The following DIS3L2 variants were observed in gnomAD, a reference collection of about 807,000 sequenced individuals.
DIS3L2 encodes DIS3 like 3'-5' exoribonuclease 2.
A neutral mutation model predicts 97.5 loss-of-function variants in DIS3L2; 34 were observed. That is an observed-to-expected ratio of 0.35 (90% confidence interval 0.27 to 0.46). The LOEUF (loss-of-function observed/expected upper bound fraction) is 0.46, where lower values mean the gene tolerates loss of function less well. Ranked by LOEUF, DIS3L2 falls within the 20% of genes least tolerant of loss-of-function variation. The pLI, the probability that DIS3L2 is intolerant of heterozygous loss-of-function variation, is 1.00. For missense variants in DIS3L2, 1,038 were observed against 1,146.0 expected (o/e 0.91, Z 1.36); for synonymous variants, 435 against 445.2 (o/e 0.98, Z 0.29).
chr2:232,084,612 T>C (rs573167977), intron 5 of DIS3L2, among the ~76,000 whole-genome samples: 5 of 152,308 alleles, frequency 3.3e-5, no homozygotes, highest in East Asian at 1.9e-4. Flanking sequence ...TAGAACTTTT[T>C]TGTAGTATTA....
At chr2:232,111,214 C>T (rs1048654337) in intron 6 of DIS3L2, 16 of 471,012 alleles carry the variant, frequency 3.4e-5, no homozygotes, top group Non-Finnish European at 7.0e-5. Flanking sequence ...AATTGAGGCT[C>T]AGAGAAGTTC....
chr2:232,163,390 G>A (rs1690711107), intron 8 of DIS3L2, 69 bp from the exon 9 acceptor site: 3 of 1,515,446 alleles, frequency 2.0e-6, no homozygotes, highest in Non-Finnish European at 2.7e-6. Flanking sequence ...TTTACTTTTA[G>A]AGAGGAGACA....
At chr2:232,193,655 A>T (rs1317562428) in intron 9 of DIS3L2, among the ~76,000 whole-genome samples, 1 of 152,222 alleles carries the variant, frequency 6.6e-6, no homozygotes. Context: ...TAATATATTC[A>T]TAATCCAAAG....
intron 13 of DIS3L2, among the ~76,000 whole-genome samples, chr2:232,291,956 C>T (rs1466773884): frequency 1.3e-5 from 2 of 152,216 alleles, no homozygotes; most frequent in African/African-American, 4.8e-5. Flanking sequence ...GGCGTCTTCC[C>T]TAACTGATGG....
chr2:231,988,707 A>G, intron 1 of DIS3L2, among the ~76,000 whole-genome samples: 1 of 152,162 alleles, frequency 6.6e-6, no homozygotes, highest in South Asian at 2.1e-4. Flanking sequence ...GTTGGTAGTA[A>G]CTTCCAGATG....
intron 6 of DIS3L2, among the ~76,000 whole-genome samples, chr2:232,102,600 A>G (rs543906933): frequency 5.9e-5 from 9 of 152,372 alleles, no homozygotes; most frequent in Non-Finnish European, 8.8e-5. Context: ...ACACACGTGC[A>G]TATACAAATC....
chr2:232,338,140 G>A (rs1246023535), downstream of DIS3L2, among the ~76,000 whole-genome samples: 6 of 150,182 alleles, frequency 4.0e-5, no homozygotes, highest in African/African-American at 1.5e-4. Context: ...CCAAACAGGA[G>A]AGCCCCAAAC....
At chr2:232,069,418 T>C (rs1247577207) in intron 5 of DIS3L2, among the ~76,000 whole-genome samples, 2 of 152,196 alleles carry the variant, frequency 1.3e-5, no homozygotes, top group Admixed American at 1.3e-4. Context: ...AGTGTAGTGT[T>C]CTATGAATAA....
chr2:232,134,115 TGAG>T (rs1698293514), intron 7 of DIS3L2, among the ~76,000 whole-genome samples: 2 of 151,730 alleles, frequency 1.3e-5, no homozygotes, highest in Admixed American at 1.3e-4. Flanking sequence ...TCAGTGAACT[TGAG>T]GAGATCAGTA....
In DIS3L2 at chr2:232,336,472, A is replaced by G. The variant is rs1445610742; in HGVS notation, c.2500A>G (p.Ile834Val). The G allele has an allele frequency of 5.6e-6, 9 of 1,610,354 alleles. No individual in the cohort carries two copies. Among genetic ancestry groups the G allele is most frequent in the African/African-American group, 2.7e-5 (2 of 74,860 alleles). Residue 834 changes from isoleucine to valine, a missense_variant, in exon 21 of 21, where the codon ATC becomes GTC. Ile to Val is a conservative substitution (Grantham distance 29). This residue lies in a region of DIS3L2 where 221 missense variants were observed against 246.9 expected (regional missense o/e 0.90). Coordinates refer to ENST00000325385, the MANE Select transcript of DIS3L2 (RefSeq NM_152383.5). ...DMEQEPAQQV[I>V]TIFSLVEVVL... Reference sequence around the variant, plus strand: ...CTCACGGCTGGGCTCTGCACAGGTCATCACCATCTTCAGCCTGGTGGAGGT... The same window carrying G: ...CTCACGGCTGGGCTCTGCACAGGTCGTCACCATCTTCAGCCTGGTGGAGGT...
intron 1 of DIS3L2, among the ~76,000 whole-genome samples, chr2:231,967,802 A>G (rs1172554373): frequency 6.6e-6 from 1 of 152,188 alleles, no homozygotes; most frequent in African/African-American, 2.4e-5. Context: ...AATATGTCTT[A>G]TTAACAAAAA....
intron 6 of DIS3L2, among the ~76,000 whole-genome samples, chr2:232,127,652 G>A (rs1207498547): frequency 6.6e-6 from 1 of 152,076 alleles, no homozygotes; most frequent in African/African-American, 2.4e-5. Context: ...GTTCTGCAAG[G>A]CCCACACCTG....
At position 231,976,621 on chromosome 2, in the gene DIS3L2, CCT is replaced by C. The variant is rs1476919442; in HGVS notation, c.-94+14862_-94+14863del. On this transcript the variant is annotated intron_variant, in intron 1 of 20. Coordinates refer to ENST00000325385, the MANE Select transcript of DIS3L2 (RefSeq NM_152383.5). ...TCCAGCCTGGGTAACAAAGCGAGACCCTCTCTCAAAAAAAAAAAAAAATTACA... is the reference window on the plus strand; with the variant it reads ...TCCAGCCTGGGTAACAAAGCGAGACCCTCTCAAAAAAAAAAAAAAATTACA... 2.7e-5 allele frequency among the ~76,000 whole-genome samples: 4 copies of C among 149,746 alleles called. No homozygotes were observed. In the East Asian group the frequency reaches 7.8e-4, roughly 29 times the overall value.
intron 9 of DIS3L2, among the ~76,000 whole-genome samples, chr2:232,195,886 A>T (rs1183217363): frequency 6.9e-6 from 1 of 145,950 alleles, no homozygotes; most frequent in Non-Finnish European, 1.5e-5. Flanking sequence ...AGTTTTATGA[A>T]GGCAGTCTAG....
At chr2:232,105,902 A>G (rs1447458650) in intron 6 of DIS3L2, among the ~76,000 whole-genome samples, 1 of 152,088 alleles carries the variant, frequency 6.6e-6, no homozygotes, top group Non-Finnish European at 1.5e-5. Context: ...CACCTTTTCC[A>G]ATATGGTGTT....
intron 5 of DIS3L2, among the ~76,000 whole-genome samples, chr2:232,067,376 A>G (rs1031275067): frequency 6.6e-6 from 1 of 152,000 alleles, no homozygotes; most frequent in Non-Finnish European, 1.5e-5. Flanking sequence ...TTTTCTTTGT[A>G]TTTTTTTCTT....
At chr2:231,962,637 A>T (rs1222389871) in intron 1 of DIS3L2, among the ~76,000 whole-genome samples, 1 of 151,726 alleles carries the variant, frequency 6.6e-6, no homozygotes, top group Non-Finnish European at 1.5e-5. Context: ...GGGTTTCACC[A>T]TGTTAGTCAG....
chr2:232,161,357 A>G (rs1307756740), intron 8 of DIS3L2, among the ~76,000 whole-genome samples: 1 of 152,198 alleles, frequency 6.6e-6, no homozygotes, highest in Non-Finnish European at 1.5e-5. Flanking sequence ...TTCCGATGTG[A>G]GCATTTAATG....
chr2:232,072,785 T>G (rs55937024), intron 5 of DIS3L2, among the ~76,000 whole-genome samples: 48,344 of 127,690 alleles, frequency 0.38, 9,349 homozygotes, highest in Non-Finnish European at 0.5. Flanking sequence ...GGATGTGGGG[T>G]GTGTGTGTGT....
Sources: gnomAD v4.1 joint callset for allele counts (sites outside exome capture counted in the v4.1 genomes callset) on GRCh38, gnomAD v4.1.1 for gene constraint, gnomAD v4.1.1 regional missense constraint, MANE v1.5 for transcripts, NCBI Gene and HGNC (gene_info 2026-07-23, HGNC 2026-07-21) for gene names.